Variants in RPS6KC1 observed in about 807,000 individuals in gnomAD.
The protein encoded by RPS6KC1 is inactive ribosomal protein S6 kinase delta-1.
Under a neutral mutation model 103.8 loss-of-function variants are expected in RPS6KC1, and 54 were observed. The ratio of observed to expected loss-of-function variants is 0.52; its 90% confidence interval spans 0.42 to 0.65. The LOEUF (loss-of-function observed/expected upper bound fraction) is 0.65, where lower values mean the gene tolerates loss of function less well. Among genes scored for constraint, RPS6KC1 ranks in the 30% least tolerant of loss-of-function variants. RPS6KC1 has a pLI of 0.00. For synonymous variants in RPS6KC1, 439 were observed against 438.7 expected (o/e 1.00, Z -0.01); for missense variants, 1,151 against 1,253.8 (o/e 0.92, Z 1.24).
the RPS6KC1 span, among the ~76,000 whole-genome samples, chr1:213,511,685 A>G: frequency 6.6e-6 from 1 of 152,094 alleles, no homozygotes; most frequent in African/African-American, 2.4e-5. Context: ...TTCCTCCAAT[A>G]AACTAGAGAC....
chr1:213,278,615 C>T (rs12040029), downstream of RPS6KC1, among the ~76,000 whole-genome samples: 16,837 of 151,854 alleles, frequency 0.11, 1,177 homozygotes, highest in Admixed American at 0.22. Flanking sequence ...TCTTCTTTCT[C>T]TCTTCATCCC....
chr1:213,807,344 A>T, the RPS6KC1 span, among the ~76,000 whole-genome samples: 1 of 152,054 alleles, frequency 6.6e-6, no homozygotes, highest in Non-Finnish European at 1.5e-5. Flanking sequence ...TAGATTGGGG[A>T]ATTTCTCCTG....
the RPS6KC1 span, among the ~76,000 whole-genome samples, chr1:213,316,030 C>T: frequency 6.6e-6 from 1 of 152,220 alleles, no homozygotes; most frequent in Non-Finnish European, 1.5e-5. Flanking sequence ...TGTACCCACA[C>T]AAATCTCATC....
At chr1:213,402,338 G>T in the RPS6KC1 span, among the ~76,000 whole-genome samples, 1 of 152,142 alleles carries the variant, frequency 6.6e-6, no homozygotes, top group East Asian at 1.9e-4. Context: ...ACTGCCTTTG[G>T]CCACTTAGTG....
At chr1:213,397,626 C>CACACACACACACACACACAG in the RPS6KC1 span, among the ~76,000 whole-genome samples, 1 of 148,824 alleles carries the variant, frequency 6.7e-6, no homozygotes, top group African/African-American at 2.5e-5. Context: ...CACACACACA[C>CACACACACACACACACACAG]AGACACTTTG....
the RPS6KC1 span, among the ~76,000 whole-genome samples, chr1:213,565,236 C>T: frequency 2.4e-4 from 36 of 152,240 alleles, 1 homozygote; most frequent in East Asian, 3.1e-3. Flanking sequence ...TACACACCTA[C>T]GCCATGACTT....
chr1:213,471,990 C>G, the RPS6KC1 span, among the ~76,000 whole-genome samples: 3 of 152,290 alleles, frequency 2.0e-5, no homozygotes, highest in Non-Finnish European at 2.9e-5. Context: ...TAGGACTCAA[C>G]AGGGTGTCAT....
At chr1:213,491,073 A>G in the RPS6KC1 span, among the ~76,000 whole-genome samples, 36 of 152,114 alleles carry the variant, frequency 2.4e-4, no homozygotes, top group Middle Eastern at 3.2e-3. Flanking sequence ...GCCCACCCCA[A>G]TGTTCACCTA....
At chr1:213,187,549 T>G (rs1442440180) in intron 8 of RPS6KC1, among the ~76,000 whole-genome samples, 2 of 151,966 alleles carry the variant, frequency 1.3e-5, no homozygotes, top group African/African-American at 2.4e-5. Context: ...CCTGGCCTAA[T>G]TTCTTTTTTA....
chr1:213,329,633 C>A, the RPS6KC1 span, among the ~76,000 whole-genome samples: 5 of 151,688 alleles, frequency 3.3e-5, no homozygotes, highest in Non-Finnish European at 7.4e-5. Context: ...CAAAGCTGAA[C>A]TTTCCCACTC....
At chr1:213,470,600 T>C in the RPS6KC1 span, among the ~76,000 whole-genome samples, 8 of 148,194 alleles carry the variant, frequency 5.4e-5, no homozygotes, top group Admixed American at 5.7e-4. Flanking sequence ...AGAATATTTC[T>C]TTTATTCTTA....
At chr1:213,731,775 G>A in the RPS6KC1 span, among the ~76,000 whole-genome samples, 3 of 152,108 alleles carry the variant, frequency 2.0e-5, no homozygotes, top group South Asian at 6.2e-4. Context: ...AATGTTTAGT[G>A]GAATATGATT....
chr1:213,707,015 A>C, the RPS6KC1 span, among the ~76,000 whole-genome samples: 1 of 152,254 alleles, frequency 6.6e-6, no homozygotes, highest in East Asian at 1.9e-4. Context: ...ACATATGTGT[A>C]TATGTGTCTT....
the RPS6KC1 span, among the ~76,000 whole-genome samples, chr1:213,609,612 G>T: frequency 6.6e-6 from 1 of 151,916 alleles, no homozygotes; most frequent in African/African-American, 2.4e-5. Context: ...CAGGTGCTGG[G>T]GGCTAGAGTG....
downstream of RPS6KC1, among the ~76,000 whole-genome samples, chr1:213,276,599 TAAAAC>T (rs895605045): frequency 6.6e-6 from 1 of 152,196 alleles, no homozygotes; most frequent in Non-Finnish European, 1.5e-5. Flanking sequence ...GCTAATTTGA[TAAAAC>T]AACATTATAG....
chr1:213,829,121 A>G, the RPS6KC1 span, among the ~76,000 whole-genome samples: 1 of 152,288 alleles, frequency 6.6e-6, no homozygotes, highest in Middle Eastern at 3.4e-3. Context: ...GACGAAGCCT[A>G]CAATTTAGGG....
At chr1:213,534,535 C>CTG in the RPS6KC1 span, among the ~76,000 whole-genome samples, 1 of 152,188 alleles carries the variant, frequency 6.6e-6, no homozygotes, top group Non-Finnish European at 1.5e-5. Flanking sequence ...CATCCTTCAA[C>CTG]CACTGCTCTT....
At chr1:213,529,322 T>C in the RPS6KC1 span, among the ~76,000 whole-genome samples, 18,268 of 152,148 alleles carry the variant, frequency 0.12, 1,215 homozygotes, top group African/African-American at 0.15. Context: ...GGGAATGGGA[T>C]GAATTCATGG....
the RPS6KC1 span, among the ~76,000 whole-genome samples, chr1:213,418,309 G>A: frequency 5.3e-5 from 8 of 152,172 alleles, no homozygotes; most frequent in Admixed American, 6.5e-5. Context: ...ACTAAATGGG[G>A]GTAGTGATTC....
Sources: gnomAD v4.1 joint callset for allele counts (sites outside exome capture counted in the v4.1 genomes callset) on GRCh38, gnomAD v4.1.1 for gene constraint, MANE v1.5 for transcripts, NCBI Gene and HGNC (gene_info 2026-07-23, HGNC 2026-07-21) for gene names.